The following ZC2HC1A variants were observed in gnomAD, a reference collection of about 807,000 sequenced individuals.
ZC2HC1A encodes zinc finger C2HC domain-containing protein 1A.
ZC2HC1A carries 28 observed loss-of-function variants against 40.7 expected under a neutral mutation model. The ratio of observed to expected loss-of-function variants is 0.69; its 90% CI spans 0.51 to 0.94. The LOEUF (loss-of-function observed/expected upper bound fraction) is 0.94, where lower values mean the gene tolerates loss of function less well. Among genes scored for constraint, ZC2HC1A ranks in the 40% least tolerant of loss-of-function variants. ZC2HC1A has a pLI of 0.00. For missense variants in ZC2HC1A, 389 were observed against 386.3 expected (o/e 1.01, Z -0.06); for synonymous variants, 129 against 129.2 (o/e 1.00, Z 0.01).
At chr8:78,697,552 T>C (rs1810465111) in intron 6 of ZC2HC1A, 46 bp downstream of exon 6, 1 of 1,450,760 alleles carries the variant, frequency 6.9e-7, no homozygotes, top group South Asian at 1.2e-5. Flanking sequence ...GAAACCATGT[T>C]GGCAGAGCAG....
rs551780566 is a variant in ZC2HC1A at position 78,717,978 on chromosome 8, C to T, written c.*485C>T. ...TAATTAAAGAGAACAGTTTTAGTTA[C>T]CATTAGGTATGTTAAGGTCACTCCT... On this transcript the variant is annotated 3_prime_UTR_variant, in exon 9 of 9. Transcript: ENST00000263849. 2 of 152,202 alleles carry T rather than the reference C, an allele frequency of 1.3e-5. No homozygotes were observed. The highest frequency in any genetic ancestry group is 2.9e-5 in the Non-Finnish European group (2 of 68,166). 9.4% of individuals were successfully genotyped at this position (152,202 alleles called of 1,614,324 possible).
chr8:78,693,967 C>T (rs962000445), intron 5 of ZC2HC1A, among the ~76,000 whole-genome samples: 2 of 152,160 alleles, frequency 1.3e-5, no homozygotes, highest in Non-Finnish European at 2.9e-5. Flanking sequence ...CCAGTTTTCC[C>T]AGCACCATTT....
At chr8:78,709,518 G>C (rs905546074) in intron 7 of ZC2HC1A, among the ~76,000 whole-genome samples, 3 of 152,040 alleles carry the variant, frequency 2.0e-5, no homozygotes, top group African/African-American at 7.2e-5. Context: ...TGGATAGGGA[G>C]CTAACTTTGC....
intron 7 of ZC2HC1A, 95 bp downstream of exon 7, chr8:78,698,608 T>C: frequency 2.2e-6 from 2 of 922,312 alleles, no homozygotes; most frequent in South Asian, 4.9e-5. Context: ...TTCATCTTCA[T>C]TTCCTAAGTT....
At chr8:78,666,602 G>C (rs891622017) in intron 1 of ZC2HC1A, among the ~76,000 whole-genome samples, 6 of 152,138 alleles carry the variant, frequency 3.9e-5, no homozygotes, top group African/African-American at 1.4e-4. Context: ...CTCCAGCCTC[G>C]AGCTCCTGAC....
At chr8:78,707,728 G>A (rs1056136320) in intron 7 of ZC2HC1A, among the ~76,000 whole-genome samples, 1 of 152,026 alleles carries the variant, frequency 6.6e-6, no homozygotes, top group Non-Finnish European at 1.5e-5. Context: ...TCCAACTACT[G>A]GAAAGAGAGC....
intron 8 of ZC2HC1A, among the ~76,000 whole-genome samples, 187 bp downstream of exon 8, chr8:78,715,515 G>T (rs1811074061): frequency 6.6e-6 from 1 of 152,128 alleles, no homozygotes; most frequent in Admixed American, 6.5e-5. Context: ...TTCTGTAAAG[G>T]ATTAACCCTT....
intron 3 of ZC2HC1A, among the ~76,000 whole-genome samples, chr8:78,684,162 A>T (rs762185048): frequency 5.3e-5 from 8 of 152,214 alleles, no homozygotes; most frequent in Non-Finnish European, 8.8e-5. Flanking sequence ...TCTTAATAGC[A>T]GTACCCCACT....
At chr8:78,683,640 C>T (rs903649344) in intron 3 of ZC2HC1A, among the ~76,000 whole-genome samples, 1 of 152,100 alleles carries the variant, frequency 6.6e-6, no homozygotes, top group Admixed American at 6.5e-5. Flanking sequence ...CTCTGATGTG[C>T]CCTGGAGGCA....
At chr8:78,691,750 CATCTTTGACTTACCCAT>C (rs1586003095) in intron 5 of ZC2HC1A, among the ~76,000 whole-genome samples, 1 of 152,036 alleles carries the variant, frequency 6.6e-6, no homozygotes, top group Admixed American at 6.6e-5. Context: ...ATAAAAAATG[CATCTTTGACTTACCCAT>C]ATCTATGGAT....
In ZC2HC1A at chr8:78,702,812, T is replaced by G. The variant is rs567747395; in HGVS notation, c.704+4299T>G. Among the ~76,000 whole-genome samples, 87 of 152,290 alleles carry G rather than the reference T, an allele frequency of 5.7e-4. 2 individuals are homozygous for G. Among genetic ancestry groups the G allele is most frequent in the Admixed American group, 5.2e-3 (80 of 15,288 alleles). On this transcript the variant is annotated intron_variant, in intron 7 of 8. Transcript: ENST00000263849. Reference sequence around the variant, plus strand: ...CTTGATTTCTAATTTAATTGTTCTGTGGTTTGAGAGAATATTTGTTATGAT... The same window carrying G: ...CTTGATTTCTAATTTAATTGTTCTGGGGTTTGAGAGAATATTTGTTATGAT...
At chr8:78,669,454 A>G (rs1485811164) in intron 1 of ZC2HC1A, among the ~76,000 whole-genome samples, 1 of 152,220 alleles carries the variant, frequency 6.6e-6, no homozygotes, top group African/African-American at 2.4e-5. Context: ...CACAAAAAGC[A>G]TGTTAGCAGG....
At chr8:78,703,050 C>T (rs1184085732) in intron 7 of ZC2HC1A, among the ~76,000 whole-genome samples, 1 of 152,106 alleles carries the variant, frequency 6.6e-6, no homozygotes, top group African/African-American at 2.4e-5. Context: ...GGATGTGCCA[C>T]CACACCTGGC....
intron 8 of ZC2HC1A, 79 bp from the exon 9 acceptor site, chr8:78,717,249 A>G: frequency 7.6e-7 from 1 of 1,311,812 alleles, no homozygotes; most frequent in Non-Finnish European, 1.0e-6. Flanking sequence ...TGTTATATTT[A>G]TGTCCTGTTT....
chr8:78,697,251 A>G (rs962410956), intron 5 of ZC2HC1A, among the ~76,000 whole-genome samples, 156 bp from the exon 6 acceptor site: 2 of 152,234 alleles, frequency 1.3e-5, no homozygotes, highest in Non-Finnish European at 2.9e-5. Context: ...TTAATACATT[A>G]ATGATGTGCA....
intron 7 of ZC2HC1A, among the ~76,000 whole-genome samples, chr8:78,709,971 A>G (rs1297915459): frequency 1.3e-5 from 2 of 152,158 alleles, no homozygotes; most frequent in African/African-American, 4.8e-5. Context: ...CCTACAAGGT[A>G]CCTAGTAAGC....
intron 3 of ZC2HC1A, among the ~76,000 whole-genome samples, chr8:78,683,108 G>T (rs1809843201): frequency 6.6e-6 from 1 of 152,214 alleles, no homozygotes. Flanking sequence ...GCTTTCTTGG[G>T]CTGGCATTGA....
At chr8:78,668,909 A>G (rs145402913) in intron 1 of ZC2HC1A, among the ~76,000 whole-genome samples, 19 of 152,224 alleles carry the variant, frequency 1.2e-4, no homozygotes, top group African/African-American at 4.3e-4. Context: ...CATTCCCTTC[A>G]TATCCCTGAT....
At chr8:78,680,650 A>C (rs192930453) in intron 3 of ZC2HC1A, among the ~76,000 whole-genome samples, 1 of 152,240 alleles carries the variant, frequency 6.6e-6, no homozygotes, top group African/African-American at 2.4e-5. Flanking sequence ...AAAGGTAGGC[A>C]TAATTCATAG....
Sources: allele counts gnomAD v4.1 joint callset (sites outside exome capture counted in the v4.1 genomes callset), GRCh38; gene constraint gnomAD v4.1.1; transcripts MANE v1.5; gene names NCBI Gene and HGNC (gene_info 2026-07-23, HGNC 2026-07-21).